The following NSD3 variants were observed in gnomAD, a reference collection of about 807,000 sequenced individuals.
NSD3 encodes nuclear receptor binding SET domain protein 3.
Under a neutral mutation model 160.8 loss-of-function variants are expected in NSD3, and 24 were observed. The observed-to-expected ratio is 0.15, with a 90% CI of 0.11 to 0.21. The LOEUF is 0.21. Ranked by LOEUF, NSD3 falls within the 10% of genes least tolerant of loss-of-function variation. The pLI, the probability that NSD3 is intolerant of heterozygous loss-of-function variation, is 1.00. For synonymous variants in NSD3, 520 were observed against 600.0 expected, an observed-to-expected ratio of 0.87 and a Z score of 1.95; for missense variants, 1,157 against 1,735.9, an observed-to-expected ratio of 0.67 and a Z score of 5.93.
At chr8:38,295,732 C>G (rs1379278969) in intron 16 of NSD3, 64 bp downstream of exon 16, 1 of 1,467,584 alleles carries the variant, frequency 6.8e-7, no homozygotes, top group East Asian at 2.3e-5. Flanking sequence ...CACTCTGTAT[C>G]CAGAGTATGA....
Position 38,304,773 on chromosome 8 carries a change from T to A in NSD3, c.2441-16A>T, listed in dbSNP as rs1366190369. 5 of 1,579,590 alleles carry A rather than the reference T, an allele frequency of 3.2e-6. No individual in the cohort carries two copies. The highest frequency in any genetic ancestry group is 3.9e-5 in the Admixed American group (2 of 51,900). The stretch of plus-strand genomic sequence containing the variant: ...ATCATGCGGCCTGTTTAAAGACAAG[T>A]CAAAAAGGAATCTAATAAGGCATCA... On this transcript the variant is annotated splice_polypyrimidine_tract_variant and intron_variant, in intron 13 of 23. Coordinates refer to ENST00000317025, the MANE Select transcript of NSD3 (RefSeq NM_023034.2).
intron 6 of NSD3, 107 bp from the exon 7 acceptor site, chr8:38,326,963 T>TA: frequency 7.9e-7 from 1 of 1,258,816 alleles, no homozygotes; most frequent in Non-Finnish European, 1.1e-6. Context: ...GCTTAAATTT[T>TA]ATATGGTCTT....
intron 12 of NSD3, among the ~76,000 whole-genome samples, chr8:38,307,069 C>T (rs111767770): frequency 3.4e-5 from 5 of 148,258 alleles, no homozygotes; most frequent in African/African-American, 7.5e-5. Flanking sequence ...GAGCCGAAAT[C>T]GCGCCACCGC....
Position 38,315,804 on chromosome 8 carries a change from A to AT in NSD3, c.1986+107dup, listed in dbSNP as rs548983178. On this transcript the variant is annotated intron_variant, in intron 10 of 23. Coordinates refer to ENST00000317025, the MANE Select transcript of NSD3 (RefSeq NM_023034.2). ...TAAGACACTCAAAATAAACAAAGTG[A>AT]TTTTTTTCTATGAGTATTTTTAAAA... is the stretch of plus-strand genomic sequence containing the variant. 109 of 1,464,636 alleles carry AT rather than the reference A, an allele frequency of 7.4e-5. 1 individual carries two copies. The South Asian group carries it at 1.3e-3, about 18-fold the overall frequency. The allele number at this position is 1,464,636 out of a possible 1,614,324, so 90.7% of individuals were successfully genotyped here.
At chr8:38,312,628 T>C (rs900753273) in intron 12 of NSD3, among the ~76,000 whole-genome samples, 1 of 152,158 alleles carries the variant, frequency 6.6e-6, no homozygotes, top group African/African-American at 2.4e-5. Flanking sequence ...CAGTGGGTGC[T>C]TGTGAAATCT....
chr8:38,296,700 G>C (rs1809157381), intron 15 of NSD3, among the ~76,000 whole-genome samples: 1 of 150,872 alleles, frequency 6.6e-6, no homozygotes, highest in South Asian at 2.1e-4. Context: ...GTGTGTGTGT[G>C]TGTGTGTGTG....
At chr8:38,278,162 T>G (rs999877754) in intron 22 of NSD3, 144 bp downstream of exon 22, 42 of 536,954 alleles carry the variant, frequency 7.8e-5, no homozygotes, top group Non-Finnish European at 1.3e-4. Flanking sequence ...ATGGTCTCGA[T>G]CTCCTGACCT....
Position 38,272,967 on chromosome 8 carries a change from A to G in NSD3, c.*2674T>C, listed in dbSNP as rs1019482518. The G allele has an allele frequency of 2.6e-5, 4 of 152,228 alleles. No individual in the cohort carries two copies. Among genetic ancestry groups the G allele is most frequent in the Admixed American group, 2.0e-4 (3 of 15,288 alleles). 9.4% of individuals were successfully genotyped at this position (152,228 alleles called of 1,614,324 possible). A position where few individuals can be genotyped will look rare whatever the true frequency, so the allele number is the denominator to read the frequency against. On this transcript the variant is annotated 3_prime_UTR_variant, in exon 24 of 24. Transcript: ENST00000317025. ...GGTGTGAGGAGAACTCCTTGGCACC[A>G]GCATGACTAAAACCGCTTTTTAGAC...
In NSD3 at chr8:38,315,552, G is replaced by A. The variant is rs1439475098; in HGVS notation, c.1987-8C>T. 3 of 1,612,012 alleles carry A rather than the reference G, an allele frequency of 1.9e-6. No individual in the cohort carries two copies. Among genetic ancestry groups the A allele is most frequent in the Non-Finnish European group, 2.5e-6 (3 of 1,179,472 alleles). Reference sequence around the variant, plus strand: ...TTGCTTTCCAAAGCCTACCTACATAGAAAACATAGCATTTTTAAGAAAAAC... The same window carrying A: ...TTGCTTTCCAAAGCCTACCTACATAAAAAACATAGCATTTTTAAGAAAAAC... On this transcript the variant is annotated splice_polypyrimidine_tract_variant and splice_region_variant and intron_variant, in intron 10 of 23. Transcript: ENST00000317025.
At chr8:38,372,325 G>A (rs1246153989) in intron 1 of NSD3, among the ~76,000 whole-genome samples, 3 of 152,142 alleles carry the variant, frequency 2.0e-5, no homozygotes, top group Non-Finnish European at 4.4e-5. Flanking sequence ...ATTATTTTTT[G>A]TTATTCATCG....
chr8:38,373,038 G>GA (rs1353385811), intron 1 of NSD3, among the ~76,000 whole-genome samples: 7 of 140,604 alleles, frequency 5.0e-5, no homozygotes, highest in African/African-American at 1.6e-4. Flanking sequence ...GCAACACAGC[G>GA]AGACTCCTCT....
intron 2 of NSD3, among the ~76,000 whole-genome samples, chr8:38,339,638 A>T (rs1258930674): frequency 1.3e-5 from 2 of 151,412 alleles, no homozygotes; most frequent in Non-Finnish European, 1.5e-5. Context: ...GGGCAGGAGG[A>T]TTGCTTGAAC....
chr8:38,314,535 A>G, intron 12 of NSD3, 112 bp downstream of exon 12: 1 of 1,445,544 alleles, frequency 6.9e-7, no homozygotes, highest in Non-Finnish European at 9.3e-7. Context: ...GGAAGAGAGG[A>G]GGAGGGCTAA....
Position 38,317,148 on chromosome 8 carries a change from C to T in NSD3, c.1856-1106G>A, listed in dbSNP as rs1248934557. The T allele has an allele frequency of 9.4e-7, 1 of 1,062,908 alleles. No homozygotes were observed. The highest frequency in any genetic ancestry group is 5.4e-5 in the Admixed American group (1 of 18,664). The allele number at this position is 1,062,908 out of a possible 1,614,324, so 65.8% of individuals were successfully genotyped here. A position where few individuals can be genotyped will look rare whatever the true frequency, so the allele number is the denominator to read the frequency against. On this transcript the variant is annotated intron_variant, in intron 9 of 23. Transcript: ENST00000317025. The surrounding 1 kb of genome is among the most constrained non-coding windows in gnomAD (Gnocchi z 5.3). ...TCCGCAACAGGCTGAGTGAGAGTAG[C>T]ACTTGGAACATAGCCACGTTCTGTG...
At chr8:38,349,665 T>TTCTATATATA (rs1554528130) in intron 1 of NSD3, among the ~76,000 whole-genome samples, 1 of 109,810 alleles carries the variant, frequency 9.1e-6, no homozygotes, top group African/African-American at 3.5e-5. Context: ...ATTTCTTTCT[T>TTCTATATATA]TATATATATA....
chr8:38,343,626 C>T (rs1177389272), intron 2 of NSD3, among the ~76,000 whole-genome samples: 1 of 152,154 alleles, frequency 6.6e-6, no homozygotes, highest in Non-Finnish European at 1.5e-5. Flanking sequence ...TCGCTTGAAT[C>T]CTGGAGGCAG....
rs535118795 is a variant in NSD3, at chr8:38,270,270, G to C, written c.*5371C>G. On this transcript the variant is annotated 3_prime_UTR_variant, in exon 24 of 24. Transcript: ENST00000317025. The stretch of plus-strand genomic sequence containing the variant: ...AGTAATGGTTCACAGGATCTACAAA[G>C]TTTATTACAGATAAAGTACAGAAAT... 6.6e-6 allele frequency: 1 copy of C among 152,278 alleles called. No individual in the cohort carries two copies. Among genetic ancestry groups the C allele is most frequent in the South Asian group, 2.1e-4 (1 of 4,834 alleles). 9.4% of individuals were successfully genotyped at this position (152,278 alleles called of 1,614,324 possible).
intron 19 of NSD3, among the ~76,000 whole-genome samples, chr8:38,282,422 G>A (rs1029860889): frequency 4.6e-5 from 7 of 152,252 alleles, no homozygotes; most frequent in African/African-American, 9.6e-5. Flanking sequence ...TGTAATCCCA[G>A]CACTTTGGGA....
At chr8:38,359,517 G>C (rs559412067) in intron 1 of NSD3, among the ~76,000 whole-genome samples, 1 of 152,196 alleles carries the variant, frequency 6.6e-6, no homozygotes, top group Non-Finnish European at 1.5e-5. Flanking sequence ...ACTTCTGGAG[G>C]AAACAAAAAG....
Sources: gnomAD v4.1 joint callset for allele counts (sites outside exome capture counted in the v4.1 genomes callset) on GRCh38, gnomAD v4.1.1 for gene constraint, Gnocchi (gnomAD v3.1) non-coding constraint, MANE v1.5 for transcripts, NCBI Gene and HGNC (gene_info 2026-07-23, HGNC 2026-07-21) for gene names.